Variants in PCTP observed in about 807,000 individuals in gnomAD.
The protein encoded by PCTP is START domain-containing protein 2.
Under a neutral mutation model 31.0 loss-of-function variants are expected in PCTP, and 27 were observed. That is an observed-to-expected ratio of 0.87 (90% confidence interval 0.64 to 1.20). The LOEUF (loss-of-function observed/expected upper bound fraction) is 1.20. Ranked by LOEUF, PCTP falls within the 50% of genes most tolerant of loss-of-function variation. The pLI is 0.00. For missense variants in PCTP, 287 were observed against 268.2 expected, an observed-to-expected ratio of 1.07 and a Z score of -0.49; for synonymous variants, 108 against 101.2, an observed-to-expected ratio of 1.07 and a Z score of -0.40.
chr17:55,781,479 G>A (rs1567719784), downstream of PCTP, among the ~76,000 whole-genome samples: 1 of 152,156 alleles, frequency 6.6e-6, no homozygotes, highest in Non-Finnish European at 1.5e-5. Context: ...AATCACCTTT[G>A]ATAGACACTG....
chr17:55,781,947 G>A (rs1425041250), downstream of PCTP, among the ~76,000 whole-genome samples: 2 of 152,174 alleles, frequency 1.3e-5, no homozygotes, highest in Non-Finnish European at 2.9e-5. Flanking sequence ...ACATGTATGT[G>A]TGGAATTATG....
intron 3 of PCTP, among the ~76,000 whole-genome samples, chr17:55,813,911 A>G (rs1368609929): frequency 6.6e-6 from 1 of 152,114 alleles, no homozygotes; most frequent in Non-Finnish European, 1.5e-5. Context: ...CCATAGTGGC[A>G]CATGCCTGTG....
At position 55,751,133 on chromosome 17, in the gene PCTP, G is replaced by A. The variant is rs1039743472; in HGVS notation, c.30G>A (p.Glu10=). The part of the protein sequence containing the change: MELAAGSFS[E]EQFWEACAEL... ...AGCTGGCCGCCGGAAGCTTCTCGGAGGAGCAGTTCTGGGAGGCCTGCGCCG... is the reference window on the plus strand; with the variant it reads ...AGCTGGCCGCCGGAAGCTTCTCGGAAGAGCAGTTCTGGGAGGCCTGCGCCG... The change falls in exon 1 of 6, where the codon GAG becomes GAA. Residue 10 remains glutamate (E), a synonymous_variant. Transcript: ENST00000268896. 5.6e-5 allele frequency: 86 copies of A among 1,545,072 alleles called. No homozygotes were observed. Among genetic ancestry groups the A allele is most frequent in the Non-Finnish European group, 6.8e-5 (78 of 1,145,144 alleles).
chr17:55,751,596 C>A (rs964888729), intron 1 of PCTP: 5 of 930,460 alleles, frequency 5.4e-6, no homozygotes, highest in Non-Finnish European at 7.4e-6. Flanking sequence ...CAATGCGTGT[C>A]AGTGGCATAT....
chr17:55,752,119 C>T (rs1372371574), intron 1 of PCTP, among the ~76,000 whole-genome samples: 1 of 152,082 alleles, frequency 6.6e-6, no homozygotes, highest in African/African-American at 2.4e-5. Flanking sequence ...CTGAAATGGC[C>T]CAGATAAGTG....
intron 3 of PCTP, among the ~76,000 whole-genome samples, chr17:55,816,408 C>A (rs1269362711): frequency 6.6e-6 from 1 of 152,168 alleles, no homozygotes; most frequent in Non-Finnish European, 1.5e-5. Flanking sequence ...TTCTACAGAG[C>A]CTGGCCAAAA....
chr17:55,776,842 A>G lies in PCTP; in HGVS notation c.*742A>G, dbSNP rs764385191. 7.9e-6 allele frequency: 8 copies of G among 1,007,574 alleles called. No homozygotes were observed. The highest frequency in any genetic ancestry group is 9.5e-6 in the Non-Finnish European group (8 of 845,150). The allele number at this position is 1,007,574 out of a possible 1,614,324, so 62.4% of individuals were successfully genotyped here. A position where few individuals can be genotyped will look rare whatever the true frequency, so the allele number is the denominator to read the frequency against. ...GGATGATTTCTCTTTTCCATATGTC[A>G]CTGGGGGAAAGGCTGCCTGTACCTC... On this transcript the variant is annotated 3_prime_UTR_variant, in exon 6 of 6. Transcript: ENST00000268896.
intron 1 of PCTP, among the ~76,000 whole-genome samples, chr17:55,762,813 C>T (rs1405251934): frequency 1.3e-5 from 2 of 151,816 alleles, no homozygotes; most frequent in Admixed American, 1.3e-4. Context: ...CAGAGGAGAC[C>T]AGGGAAGTTA....
intron 3 of PCTP, among the ~76,000 whole-genome samples, chr17:55,821,310 A>C (rs557733979): frequency 6.6e-6 from 1 of 152,328 alleles, no homozygotes; most frequent in South Asian, 2.1e-4. Context: ...CATGTACGTG[A>C]AATGTTCAGG....
chr17:55,787,026 C>CGT (rs1228456365), intron 2 of PCTP, among the ~76,000 whole-genome samples: 11 of 143,218 alleles, frequency 7.7e-5, no homozygotes, highest in African/African-American at 3.1e-4. Context: ...CATGTGTGAG[C>CGT]ATGTGTGTGT....
chr17:55,807,977 G>A (rs180691471), intron 3 of PCTP, among the ~76,000 whole-genome samples: 48 of 152,238 alleles, frequency 3.2e-4, no homozygotes, highest in Admixed American at 7.8e-4. Flanking sequence ...TAATTACTGC[G>A]TTGGTGAAAA....
intron 2 of PCTP, 115 bp downstream of exon 2, chr17:55,767,567 C>T (rs939062864): frequency 6.1e-5 from 37 of 606,426 alleles, no homozygotes; most frequent in Non-Finnish European, 8.3e-5. Flanking sequence ...TGGGTTCAAG[C>T]GATTCTCCTG....
At chr17:55,767,304 A>G (rs766925444) in intron 1 of PCTP, 31 bp from the exon 2 acceptor site, 8 of 1,380,776 alleles carry the variant, frequency 5.8e-6, no homozygotes, top group Non-Finnish European at 7.2e-6. Flanking sequence ...TTGGGAACCA[A>G]TAGACATTTC....
chr17:55,806,277 T>A (rs1766971306), intron 3 of PCTP, among the ~76,000 whole-genome samples: 1 of 152,108 alleles, frequency 6.6e-6, no homozygotes, highest in South Asian at 2.1e-4. Flanking sequence ...AAGGACTTTA[T>A]GACAGTGGTG....
At chr17:55,799,653 A>G (rs1912309842) in intron 3 of PCTP, among the ~76,000 whole-genome samples, 1 of 152,102 alleles carries the variant, frequency 6.6e-6, no homozygotes, top group Admixed American at 6.6e-5. Flanking sequence ...TAGTTGATGC[A>G]GTTTCTTCAT....
intron 5 of PCTP, among the ~76,000 whole-genome samples, chr17:55,842,204 T>C (rs1002130584): frequency 6.6e-6 from 1 of 151,922 alleles, no homozygotes; most frequent in Non-Finnish European, 1.5e-5. Context: ...CAAAAATTAG[T>C]GTGGGGCAAA....
intron 3 of PCTP, among the ~76,000 whole-genome samples, chr17:55,791,275 C>T (rs2145005477): frequency 6.6e-6 from 1 of 151,950 alleles, no homozygotes; most frequent in African/African-American, 2.4e-5. Flanking sequence ...ACACCAACAG[C>T]AATGGCAACA....
chr17:55,812,644 A>G (rs1912789485), intron 3 of PCTP, among the ~76,000 whole-genome samples: 1 of 152,196 alleles, frequency 6.6e-6, no homozygotes, highest in African/African-American at 2.4e-5. Context: ...GTTAACCTCC[A>G]TGTTGCAAGG....
At chr17:55,789,983 G>A (rs1911897289) in intron 3 of PCTP, among the ~76,000 whole-genome samples, 1 of 152,210 alleles carries the variant, frequency 6.6e-6, no homozygotes, top group Admixed American at 6.5e-5. Context: ...TCCCTGGGAT[G>A]CAAGCCTGGT....
Sources: allele counts gnomAD v4.1 joint callset (sites outside exome capture counted in the v4.1 genomes callset), GRCh38; gene constraint gnomAD v4.1.1; transcripts MANE v1.5; gene names NCBI Gene and HGNC (gene_info 2026-07-23, HGNC 2026-07-21).